ERBB4: variants seen among roughly 807,000 people sequenced by gnomAD.
The protein encoded by ERBB4 is erb-b2 receptor tyrosine kinase 4, also known as receptor tyrosine-protein kinase erbB-4.
Under a neutral mutation model 158.0 loss-of-function variants are expected in ERBB4, and 42 were observed. The observed-to-expected ratio is 0.27, with a 90% CI of 0.21 to 0.34. ERBB4 has a LOEUF of 0.34. Ranked by LOEUF, ERBB4 falls within the 10% of genes least tolerant of loss-of-function variation. The pLI, the probability that ERBB4 is intolerant of heterozygous loss-of-function variation, is 1.00. For missense variants in ERBB4, 1,333 were observed against 1,624.1 expected (o/e 0.82, Z 3.08); for synonymous variants, 583 against 558.7 (o/e 1.04, Z -0.61).
intron 1 of ERBB4, among the ~76,000 whole-genome samples, chr2:212,292,838 G>C (rs1001738465): frequency 1.3e-5 from 2 of 151,972 alleles, no homozygotes; most frequent in African/African-American, 4.8e-5. Context: ...TCAATTAATA[G>C]GTCAAGTAAA....
chr2:212,175,528 T>C (rs770315358), intron 1 of ERBB4, among the ~76,000 whole-genome samples: 4 of 151,878 alleles, frequency 2.6e-5, no homozygotes, highest in Non-Finnish European at 4.4e-5. Flanking sequence ...TTCAAAATAT[T>C]TGGGTCCCAA....
In ERBB4 at chr2:212,511,202, C is replaced by T. The variant is rs141632078; in HGVS notation, c.82+27247G>A. Among the ~76,000 whole-genome samples, 326 of 152,246 alleles carry T rather than the reference C, an allele frequency of 2.1e-3. 3 individuals carry two copies. The highest frequency in any genetic ancestry group is 0.02 in the Middle Eastern group (6 of 294). ...ACTGTAACTTTTTTGTCTTGTCTTACCTCATTTTAGACCTTCGGCAAACAG... is the reference window on the plus strand; with the variant it reads ...ACTGTAACTTTTTTGTCTTGTCTTATCTCATTTTAGACCTTCGGCAAACAG... On this transcript the variant is annotated intron_variant, in intron 1 of 27. Coordinates refer to ENST00000342788, the MANE Select transcript of ERBB4 (RefSeq NM_005235.3).
chr2:212,232,553 C>T (rs562406052), intron 1 of ERBB4, among the ~76,000 whole-genome samples: 25 of 152,188 alleles, frequency 1.6e-4, no homozygotes, highest in African/African-American at 5.8e-4. Flanking sequence ...GGACTACAGG[C>T]GCCTGCCACC....
At chr2:212,270,629 T>A (rs2085307573) in intron 1 of ERBB4, among the ~76,000 whole-genome samples, 1 of 151,784 alleles carries the variant, frequency 6.6e-6, no homozygotes, top group African/African-American at 2.4e-5. Flanking sequence ...TTAAGAGGCC[T>A]GGAACTTTCT....
chr2:212,422,483 G>A (rs59435317), intron 1 of ERBB4, among the ~76,000 whole-genome samples: 5,187 of 149,142 alleles, frequency 0.035, 307 homozygotes, highest in African/African-American at 0.12. Context: ...GGGCAACGGT[G>A]TGAGACTTGG....
At chr2:211,828,518 A>T (rs2077152032) in intron 3 of ERBB4, among the ~76,000 whole-genome samples, 1 of 152,146 alleles carries the variant, frequency 6.6e-6, no homozygotes, top group South Asian at 2.1e-4. Flanking sequence ...ATGCAAATTT[A>T]ATCAGGTGAA....
chr2:212,296,917 T>C (rs1275370776), intron 1 of ERBB4, among the ~76,000 whole-genome samples: 1 of 151,926 alleles, frequency 6.6e-6, no homozygotes, highest in Non-Finnish European at 1.5e-5. Flanking sequence ...CTTCATGATT[T>C]CAACTCTCCT....
intron 1 of ERBB4, among the ~76,000 whole-genome samples, chr2:212,502,167 A>G (rs900001075): frequency 6.6e-6 from 1 of 152,094 alleles, no homozygotes; most frequent in African/African-American, 2.4e-5. Flanking sequence ...TTAATGTATA[A>G]CTATATAATG....
chr2:211,594,163 G>A lies in ERBB4; in HGVS notation c.2301+25014C>T, dbSNP rs1447395938. Among the ~76,000 whole-genome samples, 4 of 152,126 alleles carry A rather than the reference G, an allele frequency of 2.6e-5. No homozygotes were observed. In the East Asian group the frequency reaches 5.8e-4, roughly 22 times the overall value. Reference sequence around the variant, plus strand: ...CAACTTAAAAATAAACTAGCTGGGCGTGGTGGCTCACACCTATAATCCCAG... The same window carrying A: ...CAACTTAAAAATAAACTAGCTGGGCATGGTGGCTCACACCTATAATCCCAG... On this transcript the variant is annotated intron_variant, in intron 19 of 27. Transcript: ENST00000342788.
chr2:212,221,594 T>TC (rs541063913), intron 1 of ERBB4, among the ~76,000 whole-genome samples: 117 of 151,568 alleles, frequency 7.7e-4, no homozygotes, highest in African/African-American at 2.6e-3. Flanking sequence ...CATTTAAAGG[T>TC]CCTCCCCCTG....
chr2:212,078,781 A>T (rs1175210174), intron 2 of ERBB4, among the ~76,000 whole-genome samples: 1 of 151,526 alleles, frequency 6.6e-6, no homozygotes, highest in African/African-American at 2.4e-5. Context: ...AATATAATTA[A>T]AACAATCACT....
At chr2:212,446,788 C>T (rs2092365973) in intron 1 of ERBB4, among the ~76,000 whole-genome samples, 1 of 148,754 alleles carries the variant, frequency 6.7e-6, no homozygotes, top group African/African-American at 2.5e-5. Flanking sequence ...GTAATTTTAC[C>T]AATGGATGAA....
At chr2:212,051,753 C>A (rs932294513) in intron 2 of ERBB4, among the ~76,000 whole-genome samples, 1 of 152,026 alleles carries the variant, frequency 6.6e-6, no homozygotes, top group Non-Finnish European at 1.5e-5. Context: ...CTCATCATGT[C>A]CTATTTATTT....
At chr2:212,517,407 T>C (rs1467239837) in intron 1 of ERBB4, among the ~76,000 whole-genome samples, 1 of 152,088 alleles carries the variant, frequency 6.6e-6, no homozygotes, top group Non-Finnish European at 1.5e-5. Flanking sequence ...GAAACATTAA[T>C]AGAAAATTAT....
chr2:211,875,050 A>AAAAAAAAAAAAAAAAAAAAAAAAC (rs66500425), intron 3 of ERBB4, among the ~76,000 whole-genome samples: 4 of 75,872 alleles, frequency 5.3e-5, no homozygotes, highest in African/African-American at 1.6e-4. Flanking sequence ...AAAAAAAAAA[A>AAAAAAAAAAAAAAAAAAAAAAAAC]CAAACTCAAA....
chr2:211,952,879 A>G (rs1322416456), intron 2 of ERBB4, among the ~76,000 whole-genome samples: 1 of 150,302 alleles, frequency 6.7e-6, no homozygotes, highest in Non-Finnish European at 1.5e-5. Context: ...TCTGAGCAGA[A>G]AAAAAAAAAT....
At chr2:212,033,391 TA>T (rs2076945863) in intron 2 of ERBB4, among the ~76,000 whole-genome samples, 1 of 151,880 alleles carries the variant, frequency 6.6e-6, no homozygotes, top group Non-Finnish European at 1.5e-5. Flanking sequence ...GCAACCAAAA[TA>T]ATATCATGTC....
intron 3 of ERBB4, among the ~76,000 whole-genome samples, chr2:211,814,178 C>T (rs77853757): frequency 0.021 from 3,203 of 152,094 alleles, 120 homozygotes; most frequent in African/African-American, 0.071. Context: ...ATATTCATAA[C>T]GCATAGATGT....
chr2:211,815,905 G>T (rs889418533), intron 3 of ERBB4, among the ~76,000 whole-genome samples: 1 of 152,124 alleles, frequency 6.6e-6, no homozygotes, highest in African/African-American at 2.4e-5. Flanking sequence ...GCCCTTGGAC[G>T]TCAGACTCCA....
Sources: gnomAD v4.1 joint callset for allele counts (sites outside exome capture counted in the v4.1 genomes callset) on GRCh38, gnomAD v4.1.1 for gene constraint, MANE v1.5 for transcripts, NCBI Gene and HGNC (gene_info 2026-07-23, HGNC 2026-07-21) for gene names.